Variants in RPTOR observed in about 807,000 individuals in gnomAD.
RPTOR encodes regulatory associated protein of MTOR complex 1, also known as regulatory-associated protein of mTOR.
RPTOR carries 21 observed loss-of-function variants against 169.9 expected under a neutral mutation model. The observed-to-expected ratio is 0.12, with a 90% confidence interval of 0.09 to 0.18. The LOEUF is 0.18. Among genes scored for constraint, RPTOR ranks in the 10% least tolerant of loss-of-function variants. The probability of loss-of-function intolerance (pLI) is 1.00; values close to 1 mark genes in which losing one functional copy is unlikely to be tolerated. For missense variants in RPTOR, 1,133 were observed against 1,855.9 expected (o/e 0.61, Z 7.16); for synonymous variants, 732 against 753.2 (o/e 0.97, Z 0.46).
chr17:80,620,843 T>A (rs1380678393), intron 1 of RPTOR, among the ~76,000 whole-genome samples: 1 of 152,240 alleles, frequency 6.6e-6, no homozygotes, highest in Admixed American at 6.5e-5. Flanking sequence ...AAGACGTATT[T>A]TTTTTGGCTT....
At chr17:80,951,498 CT>C (rs1252950063) in intron 28 of RPTOR, among the ~76,000 whole-genome samples, 1 of 152,238 alleles carries the variant, frequency 6.6e-6, no homozygotes, top group Non-Finnish European at 1.5e-5. Flanking sequence ...GACGTAAGAG[CT>C]CCAGGCCCCA....
chr17:80,920,974 T>C (rs2143971185), intron 21 of RPTOR, among the ~76,000 whole-genome samples: 1 of 152,368 alleles, frequency 6.6e-6, no homozygotes, highest in East Asian at 1.9e-4. Flanking sequence ...AGAACATGTA[T>C]TACTCTTGTC....
chr17:80,748,089 A>G (rs1197608119), intron 5 of RPTOR, among the ~76,000 whole-genome samples: 162 of 68,422 alleles, frequency 2.4e-3, no homozygotes, highest in Admixed American at 3.6e-3. Flanking sequence ...GTGTGTGTTT[A>G]GAGGCCGTGG....
chr17:80,814,272 G>A lies in RPTOR; in HGVS notation c.891-7929G>A, dbSNP rs139604119. On this transcript the variant is annotated intron_variant, in intron 7 of 33. Coordinates refer to ENST00000306801, the MANE Select transcript of RPTOR (RefSeq NM_020761.3). ...TTAATACGTAAATTGTATGTTTTCC[G>A]TGTAGATTATTAAGCACATAAGCAA... Among the ~76,000 whole-genome samples, 92 of 152,240 alleles carry A rather than the reference G, an allele frequency of 6.0e-4. No individual in the cohort carries two copies. In the East Asian group the frequency reaches 0.013, roughly 21 times the overall value.
intron 3 of RPTOR, among the ~76,000 whole-genome samples, chr17:80,650,740 C>T (rs925241466): frequency 1.1e-4 from 17 of 152,176 alleles, no homozygotes; most frequent in Non-Finnish European, 1.9e-4. Context: ...CTTATCCCTT[C>T]CTCTCCCTCA....
intron 3 of RPTOR, among the ~76,000 whole-genome samples, chr17:80,705,948 C>T (rs2066138915): frequency 6.6e-6 from 1 of 152,168 alleles, no homozygotes; most frequent in South Asian, 2.1e-4. Context: ...CCAGCCTGGG[C>T]ACAGCGGGAG....
Position 80,893,853 on chromosome 17 carries a change from A to T in RPTOR, c.2389A>T (p.Asn797Tyr). 6.6e-7 allele frequency: 1 copy of T among 1,518,918 alleles called. No individual in the cohort carries two copies. Among genetic ancestry groups the T allele is most frequent in the South Asian group, 1.3e-5 (1 of 77,090 alleles). The allele number at this position is 1,518,918 out of a possible 1,614,324, so 94.1% of individuals were successfully genotyped here. Residue 797 changes from asparagine (N) to tyrosine (Y), a missense_variant, in exon 20 of 34, where the codon AAC becomes TAC. Physicochemically the swap from Asn to Tyr is moderately radical, Grantham distance 143 (BLOSUM62 -2). This residue lies in a region of RPTOR where 150 missense variants were observed against 206.4 expected (regional missense o/e 0.73). Coordinates refer to ENST00000306801, the MANE Select transcript of RPTOR (RefSeq NM_020761.3). Reference protein sequence around the residue: ...MRRASSYSSLNSLIGVSFNSV... With the variant: ...MRRASSYSSLYSLIGVSFNSV... ...CCGCGCCAGCTCCTACTCCTCCCTC[A>T]ACTCCCTCATCGGTGAGTCCGCCTG...
intron 6 of RPTOR, among the ~76,000 whole-genome samples, chr17:80,759,548 G>T (rs1249285168): frequency 1.3e-5 from 2 of 152,160 alleles, no homozygotes; most frequent in East Asian, 3.8e-4. Flanking sequence ...CCATATTGAA[G>T]TGCTGAAATT....
intron 2 of RPTOR, among the ~76,000 whole-genome samples, chr17:80,626,193 C>T (rs1267316331): frequency 1.3e-5 from 2 of 152,088 alleles, no homozygotes; most frequent in East Asian, 3.8e-4. Context: ...GCTGGGACTA[C>T]AGGCACCCGC....
intron 1 of RPTOR, among the ~76,000 whole-genome samples, chr17:80,549,262 T>A (rs920548349): frequency 2.0e-5 from 3 of 152,264 alleles, no homozygotes; most frequent in African/African-American, 4.8e-5. Flanking sequence ...GTATCCATAG[T>A]GTTTTTAGCT....
intron 6 of RPTOR, among the ~76,000 whole-genome samples, chr17:80,756,783 A>G (rs1431396532): frequency 6.6e-6 from 1 of 152,248 alleles, no homozygotes; most frequent in African/African-American, 2.4e-5. Context: ...CATTGTATGC[A>G]CGGATCAAAA....
chr17:80,681,608 AG>A (rs916411409), intron 3 of RPTOR, among the ~76,000 whole-genome samples: 2 of 148,832 alleles, frequency 1.3e-5, no homozygotes, highest in African/African-American at 5.0e-5. Flanking sequence ...CACCTTCATG[AG>A]GTGTACGTCT....
In RPTOR at chr17:80,962,115, C is replaced by T. The variant is rs148396224; in HGVS notation, c.3693-346C>T. On this transcript the variant is annotated intron_variant, in intron 31 of 33. Coordinates refer to ENST00000306801, the MANE Select transcript of RPTOR (RefSeq NM_020761.3). ...CTCTGTCTCCCGGGACTGCAGGCCC[C>T]GGTTGCATGAAATCTAATCTCTAGC... 1.8e-3 allele frequency among the ~76,000 whole-genome samples: 281 copies of T among 152,294 alleles called. 1 individual carries two copies. The highest frequency in any genetic ancestry group is 6.2e-3 in the African/African-American group (259 of 41,574).
intron 3 of RPTOR, among the ~76,000 whole-genome samples, chr17:80,671,072 TC>T (rs1278644485): frequency 6.6e-6 from 1 of 152,014 alleles, no homozygotes; most frequent in Non-Finnish European, 1.5e-5. Flanking sequence ...TATTTCCTCT[TC>T]TGTTTTGCTG....
rs778257468 is a variant in RPTOR at position 80,651,421 on chromosome 17, C to T, written c.348+7611C>T. On this transcript the variant is annotated intron_variant, in intron 3 of 33. Transcript: ENST00000306801. This position sits in a 1 kb window ranked among gnomAD's most constrained non-coding sequence, Gnocchi z 4.1. ...GTCTGCGGTACTTGATTTCATTTTG[C>T]AGGGGAAACCATATGTCACAGTGGT... Among the ~76,000 whole-genome samples the T allele has an allele frequency of 5.0e-4, 76 of 152,186 alleles. No individual in the cohort carries two copies. Among genetic ancestry groups the T allele is most frequent in the Non-Finnish European group, 1.0e-3 (68 of 68,030 alleles).
At chr17:80,743,654 G>C (rs3764370) in intron 5 of RPTOR, among the ~76,000 whole-genome samples, 1 of 146,010 alleles carries the variant, frequency 6.8e-6, no homozygotes, top group Non-Finnish European at 1.5e-5. Context: ...CTTTGCCCTC[G>C]GCAGCAAGGG....
chr17:80,896,049 G>A (rs562922262), intron 20 of RPTOR, among the ~76,000 whole-genome samples: 17 of 152,044 alleles, frequency 1.1e-4, no homozygotes, highest in African/African-American at 4.1e-4. Context: ...TTTATAACTT[G>A]GGCCTTTTGT....
At chr17:80,634,263 C>CTGTG (rs2065468603) in intron 2 of RPTOR, among the ~76,000 whole-genome samples, 1 of 52,494 alleles carries the variant, frequency 1.9e-5, no homozygotes, top group African/African-American at 1.1e-4. Context: ...TGCGTGCATA[C>CTGTG]CGTGTGTGTG....
At chr17:80,934,609 C>T (rs1002174041) in intron 24 of RPTOR, among the ~76,000 whole-genome samples, 39 of 152,308 alleles carry the variant, frequency 2.6e-4, no homozygotes, top group Non-Finnish European at 5.9e-5. Context: ...CCACCTCAGC[C>T]TCTCAAAGTG....
Sources: gnomAD v4.1 joint callset for allele counts (sites outside exome capture counted in the v4.1 genomes callset) on GRCh38, gnomAD v4.1.1 for gene constraint, gnomAD v4.1.1 regional missense constraint, Gnocchi (gnomAD v3.1) non-coding constraint, MANE v1.5 for transcripts, NCBI Gene and HGNC (gene_info 2026-07-23, HGNC 2026-07-21) for gene names.